The following ITPRID1 variants were observed in gnomAD, a reference collection of about 807,000 sequenced individuals.
ITPRID1 encodes protein ITPRID1.
Under a neutral mutation model 95.4 loss-of-function variants are expected in ITPRID1, and 96 were observed. The observed-to-expected ratio is 1.01, with a 90% CI of 0.85 to 1.19. ITPRID1 has a LOEUF of 1.19. Among genes scored for constraint, ITPRID1 ranks in the 50% most tolerant of loss-of-function variants. ITPRID1 has a pLI of 0.00. For synonymous variants in ITPRID1, 510 were observed against 453.6 expected (o/e 1.12, Z -1.58); for missense variants, 1,339 against 1,252.9 (o/e 1.07, Z -1.04).
chr7:31,581,079 A>C lies in ITPRID1; in HGVS notation c.1171-2055A>C, dbSNP rs527833116. Among the ~76,000 whole-genome samples the C allele has an allele frequency of 1.1e-4, 17 of 152,306 alleles. No homozygotes were observed. The South Asian group carries it at 3.3e-3, about 30-fold the overall frequency. ...ATGCCAGATTTAATATTTATTTTTC[A>C]ATGTCAAATTTTAAAATCCAATTAT... On this transcript the variant is annotated intron_variant, in intron 9 of 14. Coordinates refer to ENST00000615280, the MANE Select transcript of ITPRID1 (RefSeq NM_001257967.3).
intron 1 of ITPRID1, among the ~76,000 whole-genome samples, chr7:31,546,755 A>C (rs1784111413): frequency 6.6e-6 from 1 of 152,172 alleles, no homozygotes; most frequent in Non-Finnish European, 1.5e-5. Flanking sequence ...ATGGTTAAAC[A>C]TAAGTGGAAC....
chr7:31,624,905 T>G (rs1354258721), intron 10 of ITPRID1, among the ~76,000 whole-genome samples: 1 of 151,978 alleles, frequency 6.6e-6, no homozygotes, highest in Non-Finnish European at 1.5e-5. Flanking sequence ...GAATCTACAA[T>G]GAACTCAAAC....
chr7:31,524,081 A>C (rs992263800), intron 1 of ITPRID1, among the ~76,000 whole-genome samples: 1 of 152,200 alleles, frequency 6.6e-6, no homozygotes, highest in Non-Finnish European at 1.5e-5. Context: ...CGCAGGAAGT[A>C]TATGTTGGTA....
chr7:31,566,490 C>G (rs186929307), intron 5 of ITPRID1, among the ~76,000 whole-genome samples: 29 of 152,280 alleles, frequency 1.9e-4, no homozygotes, highest in African/African-American at 6.3e-4. Context: ...CAAAAACTCT[C>G]CAGAATCATC....
intron 10 of ITPRID1, among the ~76,000 whole-genome samples, chr7:31,591,842 C>G (rs1785878556): frequency 6.6e-6 from 1 of 152,068 alleles, no homozygotes. Context: ...AAATAAATAA[C>G]TGTTGTAACA....
At chr7:31,552,936 T>C (rs1784329922) in intron 2 of ITPRID1, 66 bp from the exon 3 acceptor site, 1 of 1,481,046 alleles carries the variant, frequency 6.8e-7, no homozygotes, top group Non-Finnish European at 9.1e-7. Context: ...CTTTCTCCCT[T>C]TCACTGAGCC....
intron 14 of ITPRID1, 75 bp from the exon 15 acceptor site, chr7:31,652,443 C>T (rs1323127559): frequency 6.7e-7 from 1 of 1,496,974 alleles, no homozygotes; most frequent in Non-Finnish European, 8.9e-7. Context: ...TAATGCCTAG[C>T]TCACAAGTTT....
chr7:31,565,163 GA>G (rs1445666437), intron 5 of ITPRID1, among the ~76,000 whole-genome samples: 1 of 152,180 alleles, frequency 6.6e-6, no homozygotes, highest in Non-Finnish European at 1.5e-5. Flanking sequence ...CTTCTGCAAT[GA>G]TCAGGAAGTA....
intron 1 of ITPRID1, among the ~76,000 whole-genome samples, chr7:31,542,513 T>C (rs1178285208): frequency 6.6e-6 from 1 of 152,200 alleles, no homozygotes; most frequent in African/African-American, 2.4e-5. Context: ...TTATATAAAT[T>C]CTCTTTTCTT....
At chr7:31,606,438 A>C (rs1212730098) in intron 10 of ITPRID1, among the ~76,000 whole-genome samples, 1 of 133,960 alleles carries the variant, frequency 7.5e-6, no homozygotes, top group Non-Finnish European at 1.6e-5. Context: ...CTTCATAGTG[A>C]AGTGACACAG....
intron 10 of ITPRID1, among the ~76,000 whole-genome samples, chr7:31,633,160 C>G (rs1264952135): frequency 3.3e-5 from 5 of 152,146 alleles, no homozygotes; most frequent in African/African-American, 1.2e-4. Flanking sequence ...GCTGGGATTA[C>G]AGGCGTGAGC....
rs551969009 is a variant in ITPRID1 at position 31,647,659 on chromosome 7, G to C, written c.2584-3483G>C. 6.2e-5 allele frequency among the ~76,000 whole-genome samples: 7 copies of C among 113,254 alleles called. No homozygotes were observed. In the East Asian group the frequency reaches 2.0e-3, roughly 33 times the overall value. The allele number at this position is 113,254 out of a possible 152,430, so 74.3% of individuals were successfully genotyped here. A position where few individuals can be genotyped will look rare whatever the true frequency, so the allele number is the denominator to read the frequency against. ...ACTGCACTCCAGCCTGAGCAACAGAGAGAGTCTCCGTCTCAAAAAAAAAAA... is the reference window on the plus strand; with the variant it reads ...ACTGCACTCCAGCCTGAGCAACAGACAGAGTCTCCGTCTCAAAAAAAAAAA... On this transcript the variant is annotated intron_variant, in intron 12 of 14. Transcript: ENST00000615280.
At chr7:31,531,860 G>A (rs1424271847) in intron 1 of ITPRID1, among the ~76,000 whole-genome samples, 1 of 104,364 alleles carries the variant, frequency 9.6e-6, no homozygotes, top group African/African-American at 2.9e-5. Flanking sequence ...TAGCAGCTGT[G>A]GGGTGTGTTA....
chr7:31,565,514 G>A (rs1784767668), intron 5 of ITPRID1, among the ~76,000 whole-genome samples: 1 of 152,098 alleles, frequency 6.6e-6, no homozygotes, highest in Non-Finnish European at 1.5e-5. Flanking sequence ...AGTGGGCAGA[G>A]AGCTTGAGGT....
At chr7:31,609,667 A>C (rs1219888228) in intron 10 of ITPRID1, among the ~76,000 whole-genome samples, 3 of 151,502 alleles carry the variant, frequency 2.0e-5, no homozygotes, top group African/African-American at 7.2e-5. Context: ...TTATTAACTG[A>C]ATCTTCTGAC....
In ITPRID1 at chr7:31,643,851, A is replaced by T; in HGVS notation, c.2481A>T (p.Ser827=). 1.2e-6 allele frequency: 2 copies of T among 1,613,934 alleles called. No individual in the cohort carries two copies. The highest frequency in any genetic ancestry group is 1.7e-6 in the Non-Finnish European group (2 of 1,179,886). ...GGCAAAGCCCTGGCCCTGAACCCTC[A>T]GTCTGTAGGCACTGCCTGTGTTCAC... ...GERQSPGPEP[S]VCRHCLCSLT... The change falls in exon 12 of 15, where the codon TCA becomes TCT. Residue 827 remains serine, a synonymous_variant. Transcript: ENST00000615280.
At chr7:31,625,506 A>G (rs1788368381) in intron 10 of ITPRID1, among the ~76,000 whole-genome samples, 2 of 152,216 alleles carry the variant, frequency 1.3e-5, no homozygotes, top group South Asian at 2.1e-4. Context: ...ATCATTCTCA[A>G]TAAACTATTG....
At chr7:31,637,217 A>G (rs1283892715) in intron 10 of ITPRID1, among the ~76,000 whole-genome samples, 1 of 152,136 alleles carries the variant, frequency 6.6e-6, no homozygotes, top group African/African-American at 2.4e-5. Flanking sequence ...GTGTCTTTAT[A>G]GCAGCATGAT....
chr7:31,642,732 G>T lies in ITPRID1; in HGVS notation c.1362G>T (p.Lys454Asn). The T allele has an allele frequency of 6.2e-7, 1 of 1,613,982 alleles. No homozygotes were observed. Among genetic ancestry groups the T allele is most frequent in the Non-Finnish European group, 8.5e-7 (1 of 1,179,888 alleles). The change falls in exon 12 of 15, where the codon AAG becomes AAT. Residue 454 changes from lysine to asparagine, a missense_variant. By Grantham distance (94) the Lys-to-Asn change is moderately conservative. Transcript: ENST00000615280. ...SQSPAENGGRKPRDQSHSLVS... is the reference protein window; with the variant it reads ...SQSPAENGGRNPRDQSHSLVS... The stretch of plus-strand genomic sequence containing the variant: ...GTCCTGCTGAGAATGGAGGTAGAAA[G>T]CCAAGAGATCAGAGCCACAGCTTAG...
Sources: allele counts gnomAD v4.1 joint callset (sites outside exome capture counted in the v4.1 genomes callset), GRCh38; gene constraint gnomAD v4.1.1; transcripts MANE v1.5; gene names NCBI Gene and HGNC (gene_info 2026-07-23, HGNC 2026-07-21).